The following BMS1 variants were observed in gnomAD, a reference collection of about 807,000 sequenced individuals.
BMS1 encodes the protein ribosome biogenesis protein BMS1 homolog.
Under a neutral mutation model 138.7 loss-of-function variants are expected in BMS1, and 53 were observed. That is an observed-to-expected ratio of 0.38 (90% CI 0.31 to 0.48). The LOEUF is 0.48. Ranked by LOEUF, BMS1 falls within the 20% of genes least tolerant of loss-of-function variation. The probability of loss-of-function intolerance (pLI) is 0.97; values close to 1 mark genes in which losing one functional copy is unlikely to be tolerated. For missense variants in BMS1, 1,360 were observed against 1,565.5 expected (o/e 0.87, Z 2.22); for synonymous variants, 504 against 539.9 (o/e 0.93, Z 0.92).
At chr10:42,821,414 C>T (rs1205552319) in intron 18 of BMS1, among the ~76,000 whole-genome samples, 9 of 151,904 alleles carry the variant, frequency 5.9e-5, no homozygotes, top group Admixed American at 3.9e-4. Flanking sequence ...TGGAATCTGC[C>T]CTGGAGTTCC....
At chr10:42,819,984 G>T (rs894863745) in intron 15 of BMS1, among the ~76,000 whole-genome samples, 6 of 152,028 alleles carry the variant, frequency 3.9e-5, no homozygotes, top group African/African-American at 1.4e-4. Flanking sequence ...TAGAGACGGG[G>T]TTTCACCATG....
Position 42,831,121 on chromosome 10 carries a change from C to T in BMS1, c.*25C>T, listed in dbSNP as rs189690445. ...AGCCTTTGGACTGGAGGGACTGTCC[C>T]TGGATCTGCGGAGGTAGACAGTTTC... is the stretch of plus-strand genomic sequence containing the variant. On this transcript the variant is annotated 3_prime_UTR_variant, in exon 23 of 23. Transcript: ENST00000374518. 4.6e-3 allele frequency: 7,182 copies of T among 1,546,308 alleles called. 20 individuals are homozygous for T. The highest frequency in any genetic ancestry group is 5.5e-3 in the Non-Finnish European group (6,343 of 1,144,026).
rs773717538 is a variant in BMS1 at position 42,820,306 on chromosome 10, T to A, written c.2651T>A (p.Met884Lys). The A allele has an allele frequency of 6.2e-7, 1 of 1,613,810 alleles. No individual in the cohort carries two copies. The highest frequency in any genetic ancestry group is 8.5e-7 in the Non-Finnish European group (1 of 1,179,866). ...RVQYEGFRPG[M>K]YVRIEIENVP... ...CAGTATGAGGGTTTTCGACCTGGGA[T>A]GTACGTCCGCATTGAGATTGAAAAT... The change falls in exon 16 of 23, where the codon ATG (methionine) becomes AAG (lysine). Residue 884 changes from methionine (M) to lysine (K), a missense_variant. By Grantham distance (95) the Met-to-Lys change is moderately conservative. Around this residue, in one of 3 missense-constraint regions of BMS1, gnomAD observed 425 missense variants for 568.3 expected, o/e 0.75. Transcript: ENST00000374518.
chr10:42,800,014 C>T (rs1390571808), intron 12 of BMS1, among the ~76,000 whole-genome samples: 1 of 152,158 alleles, frequency 6.6e-6, no homozygotes, highest in Non-Finnish European at 1.5e-5. Flanking sequence ...CCCAGGCCCT[C>T]CTGTATTTCC....
At chr10:42,814,560 G>A (rs1842282350) in intron 13 of BMS1, among the ~76,000 whole-genome samples, 1 of 152,198 alleles carries the variant, frequency 6.6e-6, no homozygotes, top group African/African-American at 2.4e-5. Flanking sequence ...TGAGTCAGAT[G>A]GTTCCAACAT....
chr10:42,815,180 A>G (rs1842309359), intron 13 of BMS1, among the ~76,000 whole-genome samples: 2 of 152,104 alleles, frequency 1.3e-5, no homozygotes, highest in East Asian at 3.9e-4. Context: ...TTTGATGTTG[A>G]GTCTTTCTTT....
At chr10:42,819,855 G>A (rs1340490991) in intron 15 of BMS1, among the ~76,000 whole-genome samples, 3 of 152,072 alleles carry the variant, frequency 2.0e-5, no homozygotes, top group Admixed American at 6.5e-5. Flanking sequence ...GCAGTGGCAC[G>A]ATCTCGACTC....
At position 42,802,467 on chromosome 10, in the gene BMS1, G is replaced by C. The variant is rs113745234; in HGVS notation, c.2329+249G>C. Among the ~76,000 whole-genome samples the C allele has an allele frequency of 5.3e-3, 802 of 152,120 alleles. 7 individuals are homozygous for C. Among genetic ancestry groups the C allele is most frequent in the African/African-American group, 0.018 (738 of 41,524 alleles). On this transcript the variant is annotated intron_variant, in intron 13 of 22. Coordinates refer to ENST00000374518, the MANE Select transcript of BMS1 (RefSeq NM_014753.4). ...TTCCATAAATTTTAATCATGTGTTT[G>C]TTAAAAATAGATTTTGTGTGATGTG...
At position 42,797,081 on chromosome 10, in the gene BMS1, A is replaced by G. The variant is rs747941889; in HGVS notation, c.1837A>G (p.Ile613Val). 24 of 1,614,126 alleles carry G rather than the reference A, an allele frequency of 1.5e-5. No individual in the cohort carries two copies. In the East Asian group the frequency reaches 2.0e-4, roughly 13 times the overall value. Reference sequence around the variant, plus strand: ...AGAAGACTCAGAAAATGAAGAGGCTATTAGAAAAAAGCTTTCAAAGCCTTC... The same window carrying G: ...AGAAGACTCAGAAAATGAAGAGGCTGTTAGAAAAAAGCTTTCAAAGCCTTC... ...EEEDSENEEAIRKKLSKPSQV... is the reference protein window; with the variant it reads ...EEEDSENEEAVRKKLSKPSQV... The change falls in exon 10 of 23, where the codon ATT becomes GTT. Residue 613 changes from isoleucine to valine, a missense_variant. Physicochemically the swap from Ile to Val is conservative, Grantham distance 29. This residue lies in a region of BMS1 where 697 missense variants were observed against 686.2 expected (regional missense o/e 1.02). Coordinates refer to ENST00000374518, the MANE Select transcript of BMS1 (RefSeq NM_014753.4).
rs1470564478 is a variant in BMS1, at chr10:42,823,667, A to G, written c.3339A>G (p.Val1113=). 6.3e-7 allele frequency: 1 copy of G among 1,595,818 alleles called. No homozygotes were observed. The highest frequency in any genetic ancestry group is 8.5e-7 in the Non-Finnish European group (1 of 1,179,490). Reference sequence around the variant, plus strand: ...CCATCCCAGCGTTCTATAACCCAGTAACATCTTTGTTGAAACCAGTGGGTG... The same window carrying G: ...CCATCCCAGCGTTCTATAACCCAGTGACATCTTTGTTGAAACCAGTGGGTG... ...PVSIPAFYNP[V]TSLLKPVGEK... is the part of the protein sequence containing the mutation. The change falls in exon 21 of 23, where the codon GTA becomes GTG. Residue 1113 remains valine, a synonymous_variant. Coordinates refer to ENST00000374518, the MANE Select transcript of BMS1 (RefSeq NM_014753.4).
At chr10:42,821,896 G>A (rs1269609298) in intron 18 of BMS1, among the ~76,000 whole-genome samples, 166 bp from the exon 19 acceptor site, 1 of 152,082 alleles carries the variant, frequency 6.6e-6, no homozygotes, top group African/African-American at 2.4e-5. Context: ...TTAAAGTTTT[G>A]GATTGCTTTT....
In BMS1 at chr10:42,785,683, C is replaced by T. The variant is rs1373562531; in HGVS notation, c.367+11C>T. Reference sequence around the variant, plus strand: ...TGACGATTGTGTCAGGTAGGAGATGCCACCACAGACACAGAGTTGGCGTGG... The same window carrying T: ...TGACGATTGTGTCAGGTAGGAGATGTCACCACAGACACAGAGTTGGCGTGG... On this transcript the variant is annotated intron_variant, in intron 3 of 22. Transcript: ENST00000374518. 1.2e-6 allele frequency: 2 copies of T among 1,610,710 alleles called. No individual in the cohort carries two copies. Among genetic ancestry groups the T allele is most frequent in the Non-Finnish European group, 1.7e-6 (2 of 1,177,574 alleles).
intron 4 of BMS1, among the ~76,000 whole-genome samples, chr10:42,788,240 A>G (rs1239158738): frequency 6.6e-6 from 1 of 152,232 alleles, no homozygotes; most frequent in African/African-American, 2.4e-5. Context: ...TAAATCTTGT[A>G]TACTTGAAAT....
At position 42,796,849 on chromosome 10, in the gene BMS1, G is replaced by A. The variant is rs1470450295; in HGVS notation, c.1605G>A (p.Lys535=). Residue 535 remains lysine, a synonymous_variant, in exon 10 of 23, where the codon AAG becomes AAA. Transcript: ENST00000374518. The stretch of plus-strand genomic sequence containing the variant: ...AAGAGGACTGCACTGCAGGAGAGAA[G>A]GGCATTTCAGGATCAAAGGCTGCTG... The part of the protein sequence containing the change: ...SEEEDCTAGE[K]GISGSKAAGE... The A allele has an allele frequency of 6.2e-7, 1 of 1,614,190 alleles. No individual in the cohort carries two copies. The highest frequency in any genetic ancestry group is 1.1e-5 in the South Asian group (1 of 91,078).
intron 13 of BMS1, among the ~76,000 whole-genome samples, chr10:42,805,510 A>C (rs1841987953): frequency 6.6e-6 from 1 of 152,190 alleles, no homozygotes; most frequent in Non-Finnish European, 1.5e-5. Flanking sequence ...TGAGCATGTC[A>C]ATTGCTATAA....
At chr10:42,798,972 TCTG>T in intron 12 of BMS1, among the ~76,000 whole-genome samples, 1 of 152,256 alleles carries the variant, frequency 6.6e-6, no homozygotes, top group Admixed American at 6.5e-5. Flanking sequence ...ATTTATAGTT[TCTG>T]CTATTTGTAA....
At chr10:42,790,663 A>G (rs1841476277) in intron 5 of BMS1, 152 bp downstream of exon 5, 2 of 852,336 alleles carry the variant, frequency 2.3e-6, no homozygotes, top group Non-Finnish European at 3.6e-6. Flanking sequence ...AGCTCAGGGC[A>G]ACATGACCAA....
intron 15 of BMS1, among the ~76,000 whole-genome samples, chr10:42,818,437 C>A (rs192763790): frequency 9.9e-5 from 15 of 152,102 alleles, no homozygotes; most frequent in African/African-American, 3.4e-4. Context: ...AGAGATCAGT[C>A]GGGTGGCACA....
chr10:42,785,654 C>T lies in BMS1; in HGVS notation c.349C>T (p.Pro117Ser). 6.2e-7 allele frequency: 1 copy of T among 1,613,690 alleles called. No individual in the cohort carries two copies. Among genetic ancestry groups the T allele is most frequent in the Non-Finnish European group, 8.5e-7 (1 of 1,179,716 alleles). ...TRQKLTEIRGPVTIVSGKKRR... is the reference protein window; with the variant it reads ...TRQKLTEIRGSVTIVSGKKRR... ...GCAGAAGTTGACTGAGATCAGAGGC[C>T]CTGTGACGATTGTGTCAGGTAGGAG... Residue 117 changes from proline (P) to serine (S), a missense_variant, in exon 3 of 23, where the codon CCT becomes TCT. By Grantham distance (74) the Pro-to-Ser change is moderately conservative. This residue lies in a region of BMS1 where 238 missense variants were observed against 311.1 expected (regional missense o/e 0.77). Transcript: ENST00000374518.
Sources: allele counts gnomAD v4.1 joint callset (sites outside exome capture counted in the v4.1 genomes callset), GRCh38; gene constraint gnomAD v4.1.1; regional missense constraint gnomAD v4.1.1; transcripts MANE v1.5; gene names NCBI Gene and HGNC (gene_info 2026-07-23, HGNC 2026-07-21).